DAP: variants seen among roughly 807,000 people sequenced by gnomAD.
The protein encoded by DAP is death-associated protein 1.
A neutral mutation model predicts 13.8 loss-of-function variants in DAP; 8 were observed. That is an observed-to-expected ratio of 0.58 (90% confidence interval 0.34 to 1.05). DAP has a LOEUF of 1.05. DAP is among the 50% of genes least tolerant of loss of function. The pLI, the probability that DAP is intolerant of heterozygous loss-of-function variation, is 0.03. For missense variants in DAP, 106 were observed against 133.2 expected (o/e 0.80, Z 1.01); for synonymous variants, 47 against 47.5 (o/e 0.99, Z 0.04).
intron 2 of DAP, among the ~76,000 whole-genome samples, chr5:10,703,841 G>A (rs914199026): frequency 2.6e-5 from 4 of 152,252 alleles, no homozygotes; most frequent in African/African-American, 4.8e-5. Context: ...AGCGCAGGGC[G>A]TGGCTGTGGG....
chr5:10,758,333 G>C (rs779278590), intron 1 of DAP, among the ~76,000 whole-genome samples: 2 of 151,868 alleles, frequency 1.3e-5, no homozygotes, highest in Non-Finnish European at 2.9e-5. Context: ...GTAACATCTA[G>C]GAAAGCGCAT....
At chr5:10,702,472 C>T (rs1042527106) in intron 2 of DAP, among the ~76,000 whole-genome samples, 5 of 152,134 alleles carry the variant, frequency 3.3e-5, no homozygotes, top group African/African-American at 1.2e-4. Context: ...ATCTGGAGTC[C>T]CCAAGCAAAT....
chr5:10,744,385 G>A (rs1739849663), intron 2 of DAP, among the ~76,000 whole-genome samples: 1 of 152,200 alleles, frequency 6.6e-6, no homozygotes. Flanking sequence ...CATTCTGCAA[G>A]TAAGTAGGCT....
intron 2 of DAP, among the ~76,000 whole-genome samples, chr5:10,703,320 A>C (rs947703660): frequency 6.6e-6 from 1 of 152,198 alleles, no homozygotes; most frequent in Non-Finnish European, 1.5e-5. Flanking sequence ...GTAGGCTGTG[A>C]AATGCTAGTG....
chr5:10,682,487 C>T (rs991013772), intron 3 of DAP, among the ~76,000 whole-genome samples: 25 of 151,740 alleles, frequency 1.6e-4, no homozygotes, highest in African/African-American at 5.8e-4. Flanking sequence ...CACCAGCTTC[C>T]CTGCAGGAAG....
intron 2 of DAP, among the ~76,000 whole-genome samples, chr5:10,742,283 C>T (rs751641690): frequency 3.3e-5 from 5 of 152,146 alleles, no homozygotes; most frequent in Non-Finnish European, 7.3e-5. Context: ...GCCTGTAATC[C>T]CAGCACTTTG....
intron 2 of DAP, among the ~76,000 whole-genome samples, chr5:10,714,643 C>T (rs1037323448): frequency 9.9e-5 from 15 of 152,098 alleles, no homozygotes; most frequent in Non-Finnish European, 1.9e-4. Context: ...CTGTGTCCCA[C>T]CAATTCTCAT....
At chr5:10,712,541 C>G (rs374194659) in intron 2 of DAP, among the ~76,000 whole-genome samples, 1 of 151,986 alleles carries the variant, frequency 6.6e-6, no homozygotes, top group South Asian at 2.1e-4. Flanking sequence ...TGTATTCTGC[C>G]GAGTAGATTC....
chr5:10,686,077 GT>G (rs1228630322), intron 2 of DAP, among the ~76,000 whole-genome samples: 2 of 152,320 alleles, frequency 1.3e-5, no homozygotes, highest in African/African-American at 2.4e-5. Context: ...GTCTGTTACA[GT>G]GATCTGTGGT....
intron 2 of DAP, among the ~76,000 whole-genome samples, chr5:10,686,405 A>C (rs1012554175): frequency 6.6e-6 from 1 of 152,256 alleles, no homozygotes; most frequent in African/African-American, 2.4e-5. Context: ...TCGGAAGCTC[A>C]GACAGGCTGG....
At chr5:10,719,431 C>T (rs1018734205) in intron 2 of DAP, among the ~76,000 whole-genome samples, 6 of 152,186 alleles carry the variant, frequency 3.9e-5, no homozygotes, top group African/African-American at 1.4e-4. Flanking sequence ...AGCAGGGCCC[C>T]ATAGGCTAAT....
intron 2 of DAP, among the ~76,000 whole-genome samples, chr5:10,731,013 C>T (rs1222838883): frequency 5.2e-4 from 33 of 62,984 alleles, no homozygotes; most frequent in Middle Eastern, 0.012. Context: ...GGGGGGGAAT[C>T]TTTCTGTACT....
At chr5:10,688,830 G>A (rs867895016) in intron 2 of DAP, among the ~76,000 whole-genome samples, 30 of 151,700 alleles carry the variant, frequency 2.0e-4, no homozygotes, top group African/African-American at 6.5e-4. Flanking sequence ...GCAGTAGGGC[G>A]CCAGCCTGGA....
In DAP at chr5:10,720,365, T is replaced by C. The variant is rs554554629; in HGVS notation, c.152+27810A>G. Among the ~76,000 whole-genome samples, 13 of 152,142 alleles carry C rather than the reference T, an allele frequency of 8.5e-5. No individual in the cohort carries two copies. The South Asian group carries it at 1.9e-3, about 22-fold the overall frequency. On this transcript the variant is annotated intron_variant, in intron 2 of 3. Transcript: ENST00000230895. ...GGCTAGGGACTTCAAAGAAGCATGA[T>C]TGGAAAATTGGTGACAAAGAAATTT... is the stretch of plus-strand genomic sequence containing the variant.
Position 10,760,991 on chromosome 5 carries a change from A to G in DAP, c.55+23T>C, listed in dbSNP as rs772108942. The G allele has an allele frequency of 9.8e-6, 12 of 1,221,928 alleles. No individual in the cohort carries two copies. In the Admixed American group the frequency reaches 2.1e-4, roughly 22 times the overall value. The allele number at this position is 1,221,928 out of a possible 1,614,324, so 75.7% of individuals were successfully genotyped here. A position where few individuals can be genotyped will look rare whatever the true frequency, so the allele number is the denominator to read the frequency against. ...GCCCGCCCCCGGCACCCGCGCGTGG[A>G]GAGAGAGGAAAAGAGTCAGTACCGG... On this transcript the variant is annotated intron_variant, in intron 1 of 3. Coordinates refer to ENST00000230895, the MANE Select transcript of DAP (RefSeq NM_004394.3).
intron 1 of DAP, among the ~76,000 whole-genome samples, chr5:10,753,319 T>C (rs1219712495): frequency 2.0e-5 from 3 of 152,206 alleles, no homozygotes; most frequent in Non-Finnish European, 4.4e-5. Flanking sequence ...TAGGTAAGCC[T>C]TTCCTTGATC....
intron 2 of DAP, among the ~76,000 whole-genome samples, chr5:10,718,699 C>A (rs963601273): frequency 2.0e-5 from 3 of 152,212 alleles, no homozygotes; most frequent in Non-Finnish European, 4.4e-5. Flanking sequence ...AGTTTCATTG[C>A]TTGAGCAAAT....
At chr5:10,729,378 C>A (rs137939804) in intron 2 of DAP, among the ~76,000 whole-genome samples, 1 of 152,324 alleles carries the variant, frequency 6.6e-6, no homozygotes, top group African/African-American at 2.4e-5. Flanking sequence ...CCCTCCCCTT[C>A]ATTTCCTACC....
rs1270070197 is a variant in DAP, at chr5:10,691,760, A to G, written c.153-8189T>C. Among the ~76,000 whole-genome samples, 4 of 152,348 alleles carry G rather than the reference A, an allele frequency of 2.6e-5. No individual in the cohort carries two copies. The East Asian group carries it at 7.7e-4, about 29-fold the overall frequency. On this transcript the variant is annotated intron_variant, in intron 2 of 3. Transcript: ENST00000230895. ...AATTGAAAAGAACTGCAAGCCAGGC[A>G]GAATTAGCCAGGATTAGAATCCAGA...
Sources: gnomAD v4.1 joint callset for allele counts (sites outside exome capture counted in the v4.1 genomes callset) on GRCh38, gnomAD v4.1.1 for gene constraint, MANE v1.5 for transcripts, NCBI Gene and HGNC (gene_info 2026-07-23, HGNC 2026-07-21) for gene names.